ARAP2: variants seen among roughly 807,000 people sequenced by gnomAD.
ARAP2 encodes arf-GAP with Rho-GAP domain, ANK repeat and PH domain-containing protein 2.
ARAP2 carries 148 observed loss-of-function variants against 194.5 expected under a neutral mutation model. The ratio of observed to expected loss-of-function variants is 0.76; its 90% CI spans 0.67 to 0.87. The LOEUF (loss-of-function observed/expected upper bound fraction) is 0.87. Ranked by LOEUF, ARAP2 falls within the 40% of genes least tolerant of loss-of-function variation. The pLI, the probability that ARAP2 is intolerant of heterozygous loss-of-function variation, is 0.00. For missense variants in ARAP2, 2,128 were observed against 1,989.7 expected (o/e 1.07, Z -1.32); for synonymous variants, 695 against 683.5 (o/e 1.02, Z -0.26).
rs917868156 is a variant in ARAP2, at chr4:36,044,450, G to T, written n.607+1529C>A. Among the ~76,000 whole-genome samples the T allele has an allele frequency of 1.5e-4, 23 of 152,208 alleles. No individual in the cohort carries two copies. The East Asian group carries it at 3.9e-3, about 26-fold the overall frequency. On this transcript the variant is annotated intron_variant and non_coding_transcript_variant, in intron 5 of 12. Transcript: ENST00000503225. ...TGTTTTTCTGTCATTTCTTTTTTAG[G>T]TTAAGATGGAAGCTATTATAACATA...
rs757375012 is a variant in ARAP2 at position 36,117,083 on chromosome 4, G to C, written c.4016C>G (p.Pro1339Arg). The change falls in exon 25 of 33, where the codon CCC becomes CGC. Residue 1339 changes from proline to arginine, a missense_variant. By Grantham distance (103) the Pro-to-Arg change is moderately radical. Transcript: ENST00000303965. ...LIEVYVERKE[P>R]DCSIIIRISP... ...TACCCGAATTATAATACTACAGTCGGGTTCCTTCCTTTCTACATATACTTC... is the reference window on the plus strand; with the variant it reads ...TACCCGAATTATAATACTACAGTCGCGTTCCTTCCTTTCTACATATACTTC... The C allele has an allele frequency of 6.3e-7, 1 of 1,598,824 alleles. No homozygotes were observed. The highest frequency in any genetic ancestry group is 8.5e-7 in the Non-Finnish European group (1 of 1,173,030).
chr4:36,216,370 A>T (rs1386242915), intron 2 of ARAP2, among the ~76,000 whole-genome samples: 1 of 152,262 alleles, frequency 6.6e-6, no homozygotes, highest in Middle Eastern at 3.2e-3. Context: ...GGCTGTCGAT[A>T]TCAAGTGTTG....
intron 25 of ARAP2, among the ~76,000 whole-genome samples, chr4:36,116,683 AT>A (rs1423229020): frequency 3.3e-5 from 5 of 151,916 alleles, no homozygotes; most frequent in Non-Finnish European, 7.4e-5. Flanking sequence ...GCATTATCTT[AT>A]TGAATCCTCA....
intron 24 of ARAP2, 33 bp from the exon 25 acceptor site, chr4:36,117,168 T>A: frequency 6.8e-7 from 1 of 1,463,410 alleles, no homozygotes; most frequent in Non-Finnish European, 9.3e-7. Flanking sequence ...ACAACACAGA[T>A]AAACATATTG....
chr4:36,018,885 A>C (rs1247934956), intron 6 of ARAP2, among the ~76,000 whole-genome samples: 3 of 152,120 alleles, frequency 2.0e-5, no homozygotes, highest in Non-Finnish European at 2.9e-5. Context: ...TTGAAGGTAG[A>C]TAGGGTTGAA....
chr4:36,229,154 A>G lies in ARAP2; in HGVS notation c.333T>C (p.Ser111=), dbSNP rs1353156328. 2 of 1,614,052 alleles carry G rather than the reference A, an allele frequency of 1.2e-6. No individual in the cohort carries two copies. The highest frequency in any genetic ancestry group is 1.3e-5 in the African/African-American group (1 of 74,956). The change falls in exon 2 of 33, where the codon AGT becomes AGC. Residue 111 remains serine, a synonymous_variant. Transcript: ENST00000303965. ...ACTGCGGTGGGCTAGATGTCTGAACACTACCAGAATTGGAAAGTTCTATGC... is the reference window on the plus strand; with the variant it reads ...ACTGCGGTGGGCTAGATGTCTGAACGCTACCAGAATTGGAAAGTTCTATGC... ...NICIELSNSG[S]VQTSSPPQLE...
intron 16 of ARAP2, among the ~76,000 whole-genome samples, chr4:36,149,743 A>G (rs1033164744): frequency 1.7e-4 from 26 of 152,198 alleles, no homozygotes; most frequent in Non-Finnish European, 3.7e-4. Context: ...ATTAAAACAA[A>G]AACAAGTCAA....
chr4:36,057,191 T>C (rs963660119), intron 2 of ARAP2, among the ~76,000 whole-genome samples: 1 of 151,760 alleles, frequency 6.6e-6, no homozygotes, highest in African/African-American at 2.4e-5. Flanking sequence ...CTTTAATAAT[T>C]GTAATTGTTT....
intron 5 of ARAP2, among the ~76,000 whole-genome samples, chr4:36,036,758 T>C (rs1358785271): frequency 6.6e-6 from 1 of 152,168 alleles, no homozygotes; most frequent in Non-Finnish European, 1.5e-5. Flanking sequence ...TTCTGTTATA[T>C]AGCTTTTGCT....
intron 31 of ARAP2, among the ~76,000 whole-genome samples, chr4:36,074,813 TA>T (rs1727860614): frequency 6.6e-6 from 1 of 152,106 alleles, no homozygotes; most frequent in Non-Finnish European, 1.5e-5. Flanking sequence ...AGAACTCATT[TA>T]AACAAATATT....
chr4:36,214,337 G>A, intron 3 of ARAP2, 85 bp downstream of exon 3: 1 of 1,077,136 alleles, frequency 9.3e-7, no homozygotes, highest in Non-Finnish European at 1.3e-6. Context: ...ACCACAGGTG[G>A]GCTGCCTTCG....
chr4:36,078,364 T>C (rs967866498), intron 31 of ARAP2, among the ~76,000 whole-genome samples: 5 of 152,118 alleles, frequency 3.3e-5, no homozygotes, highest in Non-Finnish European at 7.4e-5. Context: ...GAAGTCTAGA[T>C]GACTTCTGAG....
chr4:36,076,869 T>G lies in ARAP2; in HGVS notation c.4609-3046A>C, dbSNP rs2109330118. 1.3e-5 allele frequency among the ~76,000 whole-genome samples: 2 copies of G among 152,218 alleles called. 1 individual carries two copies. Among genetic ancestry groups the G allele is most frequent in the East Asian group, 3.9e-4 (2 of 5,176 alleles). ...AGAACTCTCCATTTCCTTCTACATC[T>G]CTGATGATCCCACTTACATCTGACA... On this transcript the variant is annotated intron_variant, in intron 31 of 32. Transcript: ENST00000303965.
chr4:36,237,250 A>G (rs1430065819), intron 1 of ARAP2, among the ~76,000 whole-genome samples: 1 of 152,264 alleles, frequency 6.6e-6, no homozygotes, highest in Non-Finnish European at 1.5e-5. Flanking sequence ...TTATTTGCTA[A>G]TAAACTTATT....
intron 27 of ARAP2, among the ~76,000 whole-genome samples, chr4:36,105,425 G>A (rs1009530916): frequency 6.6e-6 from 1 of 151,924 alleles, no homozygotes; most frequent in African/African-American, 2.4e-5. Flanking sequence ...TGCTTCTCTA[G>A]TTCTTCTCTA....
chr4:36,166,883 C>G lies in ARAP2; in HGVS notation c.1973+49G>C, dbSNP rs140595829. The G allele has an allele frequency of 5.0e-4, 596 of 1,190,388 alleles. 6 individuals are homozygous for G. The African/African-American group carries it at 8.1e-3, about 16-fold the overall frequency. The allele number at this position is 1,190,388 out of a possible 1,614,324, so 73.7% of individuals were successfully genotyped here. A position where few individuals can be genotyped will look rare whatever the true frequency, so the allele number is the denominator to read the frequency against. On this transcript the variant is annotated intron_variant, in intron 10 of 32. Coordinates refer to ENST00000303965, the MANE Select transcript of ARAP2 (RefSeq NM_015230.4). ...ACGAACAACATAAAGGTGGATCACC[C>G]AAGCTTTCCTATAGTAGTACGAACA...
At chr4:36,145,793 G>A (rs1201505690) in intron 19 of ARAP2, among the ~76,000 whole-genome samples, 1 of 151,770 alleles carries the variant, frequency 6.6e-6, no homozygotes, top group Admixed American at 6.6e-5. Context: ...TTACATATTG[G>A]GGGACCTCCG....
rs1438415037 is a variant in ARAP2, at chr4:36,156,429, AAGAAAGAAAGAAAG to A, written c.2752+2287_2752+2300del. Among the ~76,000 whole-genome samples the A allele has an allele frequency of 1.0e-3, 19 of 18,314 alleles. 1 individual carries two copies. Among genetic ancestry groups the A allele is most frequent in the African/African-American group, 6.6e-3 (18 of 2,742 alleles). The allele number at this position is 18,314 out of a possible 152,430, so 12.0% of individuals were successfully genotyped here. On this transcript the variant is annotated intron_variant, in intron 15 of 32. Coordinates refer to ENST00000303965, the MANE Select transcript of ARAP2 (RefSeq NM_015230.4). ...AAAGAAAGAAAGAAAGAAAGAAAGAAAGAAAGAAAGAAAGAGAAAGAAAGAAAGAAAGAAAGAAA... is the reference window on the plus strand; with the variant it reads ...AAAGAAAGAAAGAAAGAAAGAAAGAAAGAAAGAAAGAAAGAAAGAAAGAAA...
chr4:36,133,242 T>C lies in ARAP2; in HGVS notation c.3411A>G (p.Ala1137=), dbSNP rs946818477. 2 of 1,610,704 alleles carry C rather than the reference T, an allele frequency of 1.2e-6. No homozygotes were observed. Among genetic ancestry groups the C allele is most frequent in the Non-Finnish European group, 1.7e-6 (2 of 1,177,892 alleles). Residue 1137 remains alanine (A), a synonymous_variant, in exon 20 of 33, where the codon GCA becomes GCG. Transcript: ENST00000303965. The part of the protein sequence containing the change: ...DVPIIVNSCI[A]FVTQYGLGCK... Reference sequence around the variant, plus strand: ...GATACTTACCATACTGTGTAACAAATGCTATACAGCTGTTCACTATAATGG... The same window carrying C: ...GATACTTACCATACTGTGTAACAAACGCTATACAGCTGTTCACTATAATGG...
Sources: gnomAD v4.1 joint callset for allele counts (sites outside exome capture counted in the v4.1 genomes callset) on GRCh38, gnomAD v4.1.1 for gene constraint, MANE v1.5 for transcripts, NCBI Gene and HGNC (gene_info 2026-07-23, HGNC 2026-07-21) for gene names.